RAB11FIP3: variants seen among roughly 807,000 people sequenced by gnomAD.
RAB11FIP3 encodes rab11 family-interacting protein 3.
In RAB11FIP3, 17 loss-of-function variants were observed where a neutral mutation model predicts 77.8. The ratio of observed to expected loss-of-function variants is 0.22; its 90% confidence interval spans 0.15 to 0.33. The LOEUF is 0.33. Ranked by LOEUF, RAB11FIP3 falls within the 10% of genes least tolerant of loss-of-function variation. The pLI, the probability that RAB11FIP3 is intolerant of heterozygous loss-of-function variation, is 1.00. For missense variants in RAB11FIP3, 1,005 were observed against 1,011.2 expected (o/e 0.99, Z 0.08); for synonymous variants, 437 against 448.2 (o/e 0.98, Z 0.31).
intron 3 of RAB11FIP3, chr16:477,720 G>A (rs995878789): frequency 2.1e-6 from 2 of 961,254 alleles, no homozygotes; most frequent in African/African-American, 1.8e-5. Context: ...TACAGTGGAT[G>A]CTCTTGAGGA....
intron 1 of RAB11FIP3, among the ~76,000 whole-genome samples, chr16:458,683 GCT>G (rs2055551581): frequency 4.6e-5 from 7 of 152,192 alleles, no homozygotes; most frequent in Non-Finnish European, 1.0e-4. Context: ...TACAGCCAGG[GCT>G]CCTGCCAGCC....
intron 1 of RAB11FIP3, among the ~76,000 whole-genome samples, chr16:458,567 G>A (rs796340259): frequency 4.8e-5 from 6 of 125,934 alleles, no homozygotes; most frequent in East Asian, 2.9e-4. Context: ...CCTTCCTCGG[G>A]TTCACCGATG....
chr16:497,361 A>G (rs577070326), intron 6 of RAB11FIP3: 1 of 1,302,620 alleles, frequency 7.7e-7, no homozygotes, highest in Non-Finnish European at 1.0e-6. Flanking sequence ...CTCCCCTGCC[A>G]GTTCTTACCG....
In RAB11FIP3 at chr16:426,525, G is replaced by A. The variant is rs1400069811; in HGVS notation, c.519G>A (p.Ala173=). ...PFPAPTAGEL[A]LEQGPGSPPQ... ...CCGCGCCCACGGCGGGCGAGCTGGC[G>A]CTGGAGCAAGGTCCCGGGTCCCCGC... The change falls in exon 1 of 14, where the codon GCG becomes GCA. Residue 173 remains alanine, a synonymous_variant. Transcript: ENST00000262305. The surrounding 1 kb of genome is among the most constrained non-coding windows in gnomAD (Gnocchi z 5.0). The A allele has an allele frequency of 3.2e-6, 5 of 1,559,182 alleles. No individual in the cohort carries two copies. The highest frequency in any genetic ancestry group is 2.4e-5 in the East Asian group (1 of 41,770).
intron 3 of RAB11FIP3, among the ~76,000 whole-genome samples, chr16:473,230 C>G (rs2055840158): frequency 6.6e-6 from 1 of 152,190 alleles, no homozygotes; most frequent in African/African-American, 2.4e-5. Context: ...TGTGGCCGAG[C>G]CTCACGCTTG....
intron 1 of RAB11FIP3, among the ~76,000 whole-genome samples, chr16:460,717 T>C (rs1489058781): frequency 1.3e-5 from 2 of 152,224 alleles, no homozygotes; most frequent in Admixed American, 6.5e-5. Flanking sequence ...AACATATCTA[T>C]GTTGGCATGC....
At position 476,966 on chromosome 16, in the gene RAB11FIP3, G is replaced by C. The variant is rs2055922777; in HGVS notation, c.904-5559G>C. Among the ~76,000 whole-genome samples the C allele has an allele frequency of 2.0e-5, 3 of 151,438 alleles. 1 individual carries two copies. The South Asian group carries it at 6.2e-4, about 32-fold the overall frequency. ...TAGTTGGGTGTGGTGGCGTGTGCCT[G>C]TAATCTCAGCTACTCAGGAGGCTGA... On this transcript the variant is annotated intron_variant, in intron 3 of 13. Transcript: ENST00000262305.
chr16:482,326 G>T, intron 3 of RAB11FIP3, 199 bp from the exon 4 acceptor site: 1 of 703,836 alleles, frequency 1.4e-6, no homozygotes, highest in Non-Finnish European at 2.6e-6. Context: ...AAAGTACTGG[G>T]ATTACAGGCG....
intron 3 of RAB11FIP3, among the ~76,000 whole-genome samples, chr16:473,236 G>A (rs779594436): frequency 3.3e-5 from 5 of 152,172 alleles, no homozygotes; most frequent in African/African-American, 7.2e-5. Context: ...CGAGCCTCAC[G>A]CTTGTCACTT....
chr16:459,213 A>T (rs902471433), intron 1 of RAB11FIP3, among the ~76,000 whole-genome samples: 8 of 134,330 alleles, frequency 6.0e-5, no homozygotes, highest in Non-Finnish European at 1.3e-4. Flanking sequence ...TACAACCTCC[A>T]CCTCCCGGAT....
intron 1 of RAB11FIP3, among the ~76,000 whole-genome samples, chr16:442,505 C>T (rs567062897): frequency 3.3e-5 from 5 of 152,316 alleles, no homozygotes; most frequent in South Asian, 4.1e-4. Context: ...CCTTTCTGGT[C>T]TTCCTCCCGC....
chr16:497,415 G>A, intron 6 of RAB11FIP3: 2 of 1,260,996 alleles, frequency 1.6e-6, no homozygotes, highest in South Asian at 1.4e-5. Context: ...GAGCCACTCA[G>A]TGTGGCTGCC....
intron 1 of RAB11FIP3, among the ~76,000 whole-genome samples, chr16:439,104 C>T (rs1461482901): frequency 3.9e-5 from 6 of 152,220 alleles, no homozygotes; most frequent in Non-Finnish European, 8.8e-5. Context: ...CCGCCTTAGC[C>T]TCCTCTTCGT....
chr16:461,248 C>T lies in RAB11FIP3; in HGVS notation c.715-156C>T, dbSNP rs1278901022. 1.3e-5 allele frequency among the ~76,000 whole-genome samples: 2 copies of T among 152,178 alleles called. No individual in the cohort carries two copies. The highest frequency in any genetic ancestry group is 2.9e-5 in the Non-Finnish European group (2 of 68,038). On this transcript the variant is annotated intron_variant, in intron 1 of 13. Coordinates refer to ENST00000262305, the MANE Select transcript of RAB11FIP3 (RefSeq NM_014700.4). The surrounding 1 kb of genome is among the most constrained non-coding windows in gnomAD (Gnocchi z 4.5). ...GAACCTGATGCTCCTGCTGATCTGACAGGAGGGGAGCTCAGGCGGTAATGC... is the reference window on the plus strand; with the variant it reads ...GAACCTGATGCTCCTGCTGATCTGATAGGAGGGGAGCTCAGGCGGTAATGC...
At chr16:444,764 C>G (rs2055282675) in intron 1 of RAB11FIP3, among the ~76,000 whole-genome samples, 1 of 151,492 alleles carries the variant, frequency 6.6e-6, no homozygotes, top group Non-Finnish European at 1.5e-5. Flanking sequence ...GCAGGCAGAT[C>G]ACTTGAGGTC....
At chr16:503,138 T>C in intron 7 of RAB11FIP3, 41 bp downstream of exon 7, 1 of 1,520,402 alleles carries the variant, frequency 6.6e-7, no homozygotes, top group Non-Finnish European at 9.1e-7. Flanking sequence ...GTAGGGGATT[T>C]AGAACACAGC....
intron 11 of RAB11FIP3, 60 bp from the exon 12 acceptor site, chr16:520,062 T>C: frequency 6.5e-7 from 1 of 1,538,176 alleles, no homozygotes; most frequent in Non-Finnish European, 8.8e-7. Flanking sequence ...AGCCAAGTGA[T>C]GGCTGACGGT....
At chr16:473,686 C>T (rs566424373) in intron 3 of RAB11FIP3, among the ~76,000 whole-genome samples, 3 of 152,266 alleles carry the variant, frequency 2.0e-5, no homozygotes, top group Admixed American at 6.5e-5. Flanking sequence ...GCGATCCACC[C>T]GTCTTGGCCT....
chr16:429,527 G>A (rs371228703), intron 1 of RAB11FIP3, among the ~76,000 whole-genome samples: 6 of 148,884 alleles, frequency 4.0e-5, no homozygotes, highest in Admixed American at 2.0e-4. Flanking sequence ...ATGGAGTCTC[G>A]CCTGCTCTGT....
Sources: allele counts gnomAD v4.1 joint callset (sites outside exome capture counted in the v4.1 genomes callset), GRCh38; gene constraint gnomAD v4.1.1; non-coding constraint Gnocchi (gnomAD v3.1); transcripts MANE v1.5; gene names NCBI Gene and HGNC (gene_info 2026-07-23, HGNC 2026-07-21).